Variants in PID1 observed in about 807,000 individuals in gnomAD.
PID1 encodes the protein PTB-containing, cubilin and LRP1-interacting protein.
In PID1, 10 loss-of-function variants were observed where a neutral mutation model predicts 19.1. The ratio of observed to expected loss-of-function variants is 0.52; its 90% CI spans 0.32 to 0.89. The LOEUF (loss-of-function observed/expected upper bound fraction) is 0.89. Among genes scored for constraint, PID1 ranks in the 40% least tolerant of loss-of-function variants. PID1 has a pLI of 0.03. For missense variants in PID1, 248 were observed against 285.3 expected (o/e 0.87, Z 0.94); for synonymous variants, 130 against 116.0 (o/e 1.12, Z -0.78).
At chr2:229,069,301 G>A (rs924026706) in intron 2 of PID1, among the ~76,000 whole-genome samples, 2 of 151,956 alleles carry the variant, frequency 1.3e-5, no homozygotes, top group Non-Finnish European at 2.9e-5. Flanking sequence ...TCACTCCCAA[G>A]GGTTAGTGAG....
intron 1 of PID1, among the ~76,000 whole-genome samples, chr2:229,201,447 G>A (rs935432078): frequency 2.0e-5 from 3 of 152,050 alleles, no homozygotes; most frequent in African/African-American, 7.2e-5. Flanking sequence ...CGTGGCATGT[G>A]TCAGAATTCC....
intron 2 of PID1, among the ~76,000 whole-genome samples, chr2:229,072,261 A>T (rs1036802386): frequency 2.0e-5 from 3 of 152,226 alleles, no homozygotes; most frequent in Admixed American, 1.3e-4. Flanking sequence ...AAGTTTTGCT[A>T]TCATAATGTT....
intron 2 of PID1, among the ~76,000 whole-genome samples, chr2:229,105,533 T>TA (rs1383219364): frequency 6.6e-6 from 1 of 152,194 alleles, no homozygotes; most frequent in Non-Finnish European, 1.5e-5. Flanking sequence ...TGACAGCCCT[T>TA]ACAATTGTTC....
At chr2:229,217,862 C>T (rs6705185) in intron 1 of PID1, among the ~76,000 whole-genome samples, 150,730 of 152,276 alleles carry the variant, frequency 0.99, 74,612 homozygotes, top group East Asian at 1. Flanking sequence ...CTTCTCCTCA[C>T]GCACCCTCCA....
At chr2:229,070,570 T>C (rs747057064) in intron 2 of PID1, among the ~76,000 whole-genome samples, 15 of 152,142 alleles carry the variant, frequency 9.9e-5, no homozygotes, top group Admixed American at 3.9e-4. Context: ...AGGAAGAAGA[T>C]GGACGTCCAC....
At chr2:229,268,885 T>C (rs1224462114) in intron 1 of PID1, among the ~76,000 whole-genome samples, 1 of 152,102 alleles carries the variant, frequency 6.6e-6, no homozygotes, top group African/African-American at 2.4e-5. Context: ...CCACAAGGAA[T>C]GTAAATAAAA....
chr2:229,136,306 C>G (rs946421950), intron 2 of PID1, among the ~76,000 whole-genome samples: 9 of 152,040 alleles, frequency 5.9e-5, no homozygotes, highest in Non-Finnish European at 1.2e-4. Flanking sequence ...GAGACCAATG[C>G]CCCAGCCAAC....
At chr2:229,173,465 A>G (rs1690751142) in intron 1 of PID1, among the ~76,000 whole-genome samples, 1 of 152,182 alleles carries the variant, frequency 6.6e-6, no homozygotes, top group Non-Finnish European at 1.5e-5. Context: ...GAAACACAAT[A>G]AAGAACCTAC....
chr2:229,127,664 C>T (rs1559245552), intron 2 of PID1, among the ~76,000 whole-genome samples: 1 of 152,180 alleles, frequency 6.6e-6, no homozygotes, highest in Non-Finnish European at 1.5e-5. Context: ...GCATCCCCGG[C>T]CTCCACCCAC....
intron 1 of PID1, among the ~76,000 whole-genome samples, chr2:229,253,591 C>CAAAA (rs59530496): frequency 1.6e-5 from 2 of 128,502 alleles, no homozygotes; most frequent in African/African-American, 5.8e-5. Context: ...AAATTCCAAG[C>CAAAA]AAAAAAAAAA....
chr2:229,025,844 C>T lies in PID1; in HGVS notation c.442G>A (p.Ala148Thr), dbSNP rs780979505. The change falls in exon 3 of 3, where the codon GCC becomes ACC. Residue 148 changes from alanine (A) to threonine (T), a missense_variant. By Grantham distance (58) the Ala-to-Thr change is moderately conservative (BLOSUM62 0). Transcript: ENST00000392055. The part of the protein sequence containing the change: ...ADHNVSPNIF[A>T]WVYREINDDL... ...TCATTGATCTCCCTGTAGACCCAGGCGAAGATGTTGGGGCTCACGTTGTGG... is the reference window on the plus strand; with the variant it reads ...TCATTGATCTCCCTGTAGACCCAGGTGAAGATGTTGGGGCTCACGTTGTGG... 9.3e-6 allele frequency: 15 copies of T among 1,614,098 alleles called. No individual in the cohort carries two copies. The highest frequency in any genetic ancestry group is 6.7e-5 in the African/African-American group (5 of 74,938).
At chr2:229,053,348 G>A (rs1276446551) in intron 2 of PID1, among the ~76,000 whole-genome samples, 2 of 152,142 alleles carry the variant, frequency 1.3e-5, no homozygotes, top group African/African-American at 4.8e-5. Flanking sequence ...ACTGATTAGA[G>A]AATGAAAAAC....
intron 2 of PID1, among the ~76,000 whole-genome samples, chr2:229,088,675 T>G (rs17475926): frequency 6.6e-6 from 1 of 151,930 alleles, no homozygotes; most frequent in Non-Finnish European, 1.5e-5. Flanking sequence ...TGATCATAGT[T>G]TCCACATTCA....
At chr2:229,084,657 A>G (rs1694730269) in intron 2 of PID1, among the ~76,000 whole-genome samples, 1 of 152,188 alleles carries the variant, frequency 6.6e-6, no homozygotes, top group Non-Finnish European at 1.5e-5. Context: ...ACTTTCAACC[A>G]CTACAGTATT....
At chr2:229,220,002 T>C (rs1346149176) in intron 1 of PID1, among the ~76,000 whole-genome samples, 1 of 151,986 alleles carries the variant, frequency 6.6e-6, no homozygotes, top group African/African-American at 2.4e-5. Flanking sequence ...CATGACACCA[T>C]TTGTCCTTTT....
At chr2:229,159,698 G>A (rs1171724173) in intron 1 of PID1, among the ~76,000 whole-genome samples, 1 of 152,160 alleles carries the variant, frequency 6.6e-6, no homozygotes, top group Non-Finnish European at 1.5e-5. Context: ...AGAATAAAAA[G>A]TTGCCAGCTC....
chr2:229,078,398 T>C (rs1407057122), intron 2 of PID1, among the ~76,000 whole-genome samples: 1 of 152,198 alleles, frequency 6.6e-6, no homozygotes, highest in Non-Finnish European at 1.5e-5. Flanking sequence ...GTCTTTCTCT[T>C]ACCTGATTGC....
intron 2 of PID1, among the ~76,000 whole-genome samples, chr2:229,103,571 A>ATTTTTTTT (rs60510809): frequency 2.6e-5 from 2 of 76,236 alleles, no homozygotes; most frequent in Non-Finnish European, 5.0e-5. Context: ...ATATGCTGGA[A>ATTTTTTTT]TTTTTTTTTT....
At chr2:229,124,076 G>A (rs965289518) in intron 2 of PID1, among the ~76,000 whole-genome samples, 6 of 152,136 alleles carry the variant, frequency 3.9e-5, no homozygotes, top group Admixed American at 6.6e-5. Context: ...AAGGCAGCAC[G>A]AGAGACCTTC....
Sources: allele counts gnomAD v4.1 joint callset (sites outside exome capture counted in the v4.1 genomes callset), GRCh38; gene constraint gnomAD v4.1.1; transcripts MANE v1.5; gene names NCBI Gene and HGNC (gene_info 2026-07-23, HGNC 2026-07-21).